The following TRPA1 variants were observed in gnomAD, a reference collection of about 807,000 sequenced individuals.
The protein encoded by TRPA1 is ankyrin-like with transmembrane domains 1.
Under a neutral mutation model 131.3 loss-of-function variants are expected in TRPA1, and 129 were observed. The ratio of observed to expected loss-of-function variants is 0.98; its 90% CI spans 0.85 to 1.14. TRPA1 has a LOEUF of 1.14. Among genes scored for constraint, TRPA1 ranks in the 50% most tolerant of loss-of-function variants. The pLI is 0.00. For missense variants in TRPA1, 1,304 were observed against 1,354.2 expected, an observed-to-expected ratio of 0.96 and a Z score of 0.58; for synonymous variants, 441 against 451.7, an observed-to-expected ratio of 0.98 and a Z score of 0.30.
intron 23 of TRPA1, 36 bp from the exon 24 acceptor site, chr8:72,030,005 A>G: frequency 2.5e-6 from 4 of 1,581,538 alleles, no homozygotes; most frequent in Non-Finnish European, 3.5e-6. Context: ...ACTACAGTTG[A>G]ATGGTCCACC....
the TRPA1 span, among the ~76,000 whole-genome samples, chr8:72,083,839 C>T: frequency 5.9e-5 from 9 of 152,134 alleles, no homozygotes; most frequent in African/African-American, 1.7e-4. Flanking sequence ...TTTGTAGCTA[C>T]TCCTGTTTCT....
chr8:72,053,434 T>G (rs1227739684), intron 13 of TRPA1: 1 of 390,354 alleles, frequency 2.6e-6, no homozygotes, highest in Non-Finnish European at 4.9e-6. Context: ...AACACTTATC[T>G]TAATGAAAAC....
intron 8 of TRPA1, 68 bp downstream of exon 8, chr8:72,059,321 AT>A (rs1805750204): frequency 9.4e-7 from 1 of 1,067,670 alleles, no homozygotes; most frequent in South Asian, 1.6e-5. Flanking sequence ...GAAAATCCAT[AT>A]TATGTAATTA....
chr8:72,069,092 A>G lies in TRPA1; in HGVS notation c.375T>C (p.Asn125=), dbSNP rs1811457. Residue 125 remains asparagine (N), a synonymous_variant, in exon 3 of 27, where the codon AAT becomes AAC. Coordinates refer to ENST00000262209, the MANE Select transcript of TRPA1 (RefSeq NM_007332.3). ...GAGCCATCATGTTGAAGTTTCGGAG[A>G]TTTGGGTTTGCTCCTCTGCTGAGAA... ...KFLLSRGANP[N]LRNFNMMAPL... 1,034,768 of 1,613,776 alleles carry G rather than the reference A, an allele frequency of 0.64. 339,220 individuals carry two copies. The highest frequency in any genetic ancestry group is 0.98 in the East Asian group (44,065 of 44,882).
At chr8:72,038,683 G>A (rs1694131147) in intron 19 of TRPA1, 182 bp downstream of exon 19, 6 of 581,522 alleles carry the variant, frequency 1.0e-5, no homozygotes, top group Non-Finnish European at 1.8e-5. Context: ...TAGTTGACCT[G>A]TTTGTTTATA....
In TRPA1 at chr8:72,069,124, T is replaced by A; in HGVS notation, c.343A>T (p.Lys115Ter). 1.2e-6 allele frequency: 2 copies of A among 1,614,208 alleles called. No homozygotes were observed. Among genetic ancestry groups the A allele is most frequent in the Non-Finnish European group, 1.7e-6 (2 of 1,180,016 alleles). The change falls in exon 3 of 27, where the codon AAG becomes TAG. Residue 115 changes from lysine to a stop codon, truncating the protein, a stop_gained. Transcript: ENST00000262209. LOFTEE classifies it high-confidence loss of function. ...TTTGCTCCTCTGCTGAGAAGAAACT[T>A]AACGCTTTCAATTTGGTTTTTTTCT... The part of the protein sequence containing the change: ...AVEKNQIESV[K>*]FLLSRGANPN...
the TRPA1 span, among the ~76,000 whole-genome samples, chr8:72,088,700 T>A: frequency 2.6e-5 from 4 of 152,118 alleles, no homozygotes; most frequent in African/African-American, 9.7e-5. Flanking sequence ...AGTAATGAGA[T>A]AAATTACACA....
intron 19 of TRPA1, 94 bp downstream of exon 19, chr8:72,038,771 C>A: frequency 1.9e-6 from 2 of 1,070,466 alleles, no homozygotes; most frequent in Non-Finnish European, 2.7e-6. Context: ...ATAATAAAGT[C>A]CTGATATGTC....
chr8:72,052,893 G>C, intron 13 of TRPA1, 128 bp from the exon 14 acceptor site: 1 of 1,045,298 alleles, frequency 9.6e-7, no homozygotes. Flanking sequence ...TAAAACTGGT[G>C]TTCAGAATCA....
intron 25 of TRPA1, among the ~76,000 whole-genome samples, chr8:72,025,323 T>C (rs981862171): frequency 1.3e-5 from 2 of 152,110 alleles, no homozygotes; most frequent in African/African-American, 2.4e-5. Context: ...TGTTTGGTTG[T>C]TCCTCATGCG....
intron 10 of TRPA1, 63 bp downstream of exon 10, chr8:72,056,850 TAAAC>T: frequency 1.8e-6 from 2 of 1,088,548 alleles, no homozygotes; most frequent in South Asian, 1.4e-5. Context: ...AAAATTATAA[TAAAC>T]AAAATTAGTT....
chr8:72,056,718 T>G (rs942600196), intron 10 of TRPA1, among the ~76,000 whole-genome samples, 199 bp downstream of exon 10: 1 of 152,120 alleles, frequency 6.6e-6, no homozygotes, highest in Non-Finnish European at 1.5e-5. Context: ...CTCACTACAA[T>G]TAATTATCAT....
Position 72,059,424 on chromosome 8 carries a change from TCAAA to T in TRPA1, c.955_958del (p.Phe319IlefsTer5). ...TAAATAGTCTGCTAGCTCATGGTGA[TCAAA>T]CAATGAAGCTCTGAAAAAACAGAAT... On this transcript the variant is annotated frameshift_variant, in exon 8 of 27. Coordinates refer to ENST00000262209, the MANE Select transcript of TRPA1 (RefSeq NM_007332.3). LOFTEE classifies it high-confidence loss of function. The T allele has an allele frequency of 3.8e-6, 6 of 1,585,096 alleles. No homozygotes were observed. The highest frequency in any genetic ancestry group is 4.3e-6 in the Non-Finnish European group (5 of 1,159,426).
At chr8:72,053,920 G>C (rs1446307835) in intron 12 of TRPA1, 53 bp from the exon 13 acceptor site, 1 of 1,355,212 alleles carries the variant, frequency 7.4e-7, no homozygotes, top group African/African-American at 1.4e-5. Flanking sequence ...ATGAAATGCG[G>C]GATGGGATGC....
In TRPA1 at chr8:72,065,409, G is replaced by A. The variant is rs748278710; in HGVS notation, c.552+42C>T. 1.1e-5 allele frequency: 16 copies of A among 1,438,048 alleles called. No homozygotes were observed. In the South Asian group the frequency reaches 1.6e-4, roughly 15 times the overall value. The allele number at this position is 1,438,048 out of a possible 1,614,324, so 89.1% of individuals were successfully genotyped here. On this transcript the variant is annotated intron_variant, in intron 4 of 26. Transcript: ENST00000262209. ...TAATAATAATCCATGTTGTATTCAT[G>A]AAAAGATAAAGAAAGCAGACAGATA...
chr8:72,023,655 A>G (rs560385538), intron 26 of TRPA1, 159 bp downstream of exon 26: 1 of 563,604 alleles, frequency 1.8e-6, no homozygotes, highest in Admixed American at 3.3e-5. Context: ...TGTTGGTTCT[A>G]AAAAATGTCT....
intron 2 of TRPA1, 64 bp downstream of exon 2, chr8:72,071,647 A>G (rs1447528269): frequency 6.4e-7 from 1 of 1,569,452 alleles, no homozygotes; most frequent in Non-Finnish European, 8.8e-7. Flanking sequence ...ACTTCCTTCC[A>G]TTCTTTCTAG....
In TRPA1 at chr8:72,050,791, G is replaced by A; in HGVS notation, c.1892C>T (p.Pro631Leu). 6.2e-7 allele frequency: 1 copy of A among 1,609,686 alleles called. No individual in the cohort carries two copies. The highest frequency in any genetic ancestry group is 8.5e-7 in the Non-Finnish European group (1 of 1,176,974). The change falls in exon 15 of 27, where the codon CCT (proline) becomes CTT (leucine). Residue 631 changes from proline to leucine, a missense_variant. Physicochemically the swap from Pro to Leu is moderately conservative, Grantham distance 98. Transcript: ENST00000262209. ...CPITEMIEYL[P>L]ECMKVLLDFC... is the part of the protein sequence containing the mutation. The stretch of plus-strand genomic sequence containing the variant: ...TAGAGAATTTACCTTCATGCATTCA[G>A]GGAGGTATTCTATCATTTCTGTAAT...
the TRPA1 span, among the ~76,000 whole-genome samples, chr8:72,084,602 A>C: frequency 3.0e-5 from 4 of 133,162 alleles, no homozygotes; most frequent in South Asian, 7.1e-4. Flanking sequence ...TACTTTATTT[A>C]TTTTGTCTGT....
Sources: allele counts gnomAD v4.1 joint callset (sites outside exome capture counted in the v4.1 genomes callset), GRCh38; gene constraint gnomAD v4.1.1; transcripts MANE v1.5; gene names NCBI Gene and HGNC (gene_info 2026-07-23, HGNC 2026-07-21).